Variants in SOBP observed in about 807,000 individuals in gnomAD.
SOBP encodes sine oculis binding protein homolog.
Under a neutral mutation model 53.6 loss-of-function variants are expected in SOBP, and 4 were observed. That is an observed-to-expected ratio of 0.07 (90% confidence interval 0.04 to 0.17). SOBP has a LOEUF of 0.17. SOBP is among the 10% of genes least tolerant of loss of function. SOBP has a pLI of 1.00. For synonymous variants in SOBP, 584 were observed against 522.6 expected (o/e 1.12, Z -1.60); for missense variants, 1,088 against 1,204.7 (o/e 0.90, Z 1.43).
chr6:107,569,858 A>G (rs536745602), intron 4 of SOBP, among the ~76,000 whole-genome samples: 1 of 152,040 alleles, frequency 6.6e-6, no homozygotes, highest in Non-Finnish European at 1.5e-5. Flanking sequence ...TGGGAAGGAA[A>G]CCCATGTGTT....
At chr6:107,553,298 T>TTTTA (rs750735550) in intron 4 of SOBP, among the ~76,000 whole-genome samples, 28,312 of 139,228 alleles carry the variant, frequency 0.2, 3,307 homozygotes, top group East Asian at 0.48. Context: ...CTTATTATTA[T>TTTTA]TTTATTTATT....
intron 1 of SOBP, among the ~76,000 whole-genome samples, chr6:107,503,361 T>G (rs1782893081): frequency 6.6e-6 from 1 of 152,224 alleles, no homozygotes; most frequent in Non-Finnish European, 1.5e-5. Context: ...TTTTATAGAC[T>G]AATGTGCTAA....
intron 3 of SOBP, among the ~76,000 whole-genome samples, chr6:107,516,477 C>CA (rs577976911): frequency 0.028 from 3,268 of 115,894 alleles, 91 homozygotes; most frequent in African/African-American, 0.092. Context: ...GACTCTGTCT[C>CA]AAAAAAAAAA....
At chr6:107,537,668 A>C (rs1168141693) in intron 4 of SOBP, among the ~76,000 whole-genome samples, 1 of 152,086 alleles carries the variant, frequency 6.6e-6, no homozygotes, top group Admixed American at 6.6e-5. Flanking sequence ...AAAACATACA[A>C]AAATTAGCTG....
rs139020430 is a variant in SOBP at position 107,540,487 on chromosome 6, G to A, written c.573+6877G>A. On this transcript the variant is annotated intron_variant, in intron 4 of 6. Coordinates refer to ENST00000317357, the MANE Select transcript of SOBP (RefSeq NM_018013.4). Reference sequence around the variant, plus strand: ...CTATGTTACAATCCACTCTTAGGGTGGCTGTGCACACAGTGGAATCTAATG... The same window carrying A: ...CTATGTTACAATCCACTCTTAGGGTAGCTGTGCACACAGTGGAATCTAATG... 2.1e-3 allele frequency among the ~76,000 whole-genome samples: 323 copies of A among 152,352 alleles called. 2 individuals are homozygous for A. Among genetic ancestry groups the A allele is most frequent in the African/African-American group, 7.6e-3 (315 of 41,576 alleles).
intron 4 of SOBP, 145 bp from the exon 5 acceptor site, chr6:107,586,935 G>A: frequency 1.4e-6 from 1 of 722,836 alleles, no homozygotes; most frequent in Non-Finnish European, 2.5e-6. Flanking sequence ...TACCTAAAAG[G>A]CGTACTGCGT....
intron 1 of SOBP, among the ~76,000 whole-genome samples, chr6:107,494,417 G>A (rs1331083966): frequency 6.6e-6 from 1 of 152,206 alleles, no homozygotes; most frequent in Non-Finnish European, 1.5e-5. Context: ...GTAAATATAT[G>A]TGTAAGGTAA....
intron 4 of SOBP, among the ~76,000 whole-genome samples, chr6:107,571,375 G>A (rs999074848): frequency 6.6e-5 from 10 of 152,198 alleles, no homozygotes; most frequent in African/African-American, 2.4e-4. Context: ...AAGGGCAGGG[G>A]CCAAAGGAGA....
intron 3 of SOBP, among the ~76,000 whole-genome samples, chr6:107,530,414 C>A (rs898171042): frequency 2.0e-5 from 3 of 152,036 alleles, no homozygotes; most frequent in Non-Finnish European, 4.4e-5. Context: ...GTTCACTTTT[C>A]TAGGGGTGCA....
rs367899598 is a variant in SOBP at position 107,635,193 on chromosome 6, C to G, written c.2349C>G (p.Asp783Glu). 1 of 1,613,806 alleles carries G rather than the reference C, an allele frequency of 6.2e-7. No individual in the cohort carries two copies. Among genetic ancestry groups the G allele is most frequent in the African/African-American group, 1.3e-5 (1 of 75,000 alleles). The change falls in exon 6 of 7, where the codon GAC (aspartate) becomes GAG (glutamate). Residue 783 changes from aspartate to glutamate, a missense_variant. Around this residue, in one of 6 missense-constraint regions of SOBP, gnomAD observed 665 missense variants for 629.7 expected, o/e 1.06. Transcript: ENST00000317357. The surrounding 1 kb of genome is among the most constrained non-coding windows in gnomAD (Gnocchi z 4.5). ...ENNCASNCHLDGEAAKKLMGE... is the reference protein window; with the variant it reads ...ENNCASNCHLEGEAAKKLMGE... ...ACTGTGCTTCCAACTGCCACCTGGA[C>G]GGGGAGGCGGCCAAAAAGCTGATGG...
At chr6:107,622,640 G>A (rs1331900933) in intron 5 of SOBP, among the ~76,000 whole-genome samples, 1 of 152,114 alleles carries the variant, frequency 6.6e-6, no homozygotes, top group African/African-American at 2.4e-5. Flanking sequence ...CTAGACTAGA[G>A]CTAACACAGA....
At chr6:107,613,026 A>G (rs778553387) in intron 5 of SOBP, among the ~76,000 whole-genome samples, 5 of 152,114 alleles carry the variant, frequency 3.3e-5, no homozygotes, top group Admixed American at 6.5e-5. Flanking sequence ...CCCTTTGGCT[A>G]TTGGGAATAA....
chr6:107,656,318 A>T (rs1484300957), intron 6 of SOBP, among the ~76,000 whole-genome samples: 1 of 14,248 alleles, frequency 7.0e-5, no homozygotes, highest in Non-Finnish European at 1.3e-4. Context: ...AAAGAAAGAA[A>T]GAAAGAAAGA....
In SOBP at chr6:107,506,313, T is replaced by C. The variant is rs746762354; in HGVS notation, c.307T>C (p.Ser103Pro). ...ACCATACAATATAAGCACAGGCTAT[T>C]CAGGGCTTGCCACTGGAAATGGACT... ...ISPYNISTGYSGLATGNGLSD... is the reference protein window; with the variant it reads ...ISPYNISTGYPGLATGNGLSD... Residue 103 changes from serine (S) to proline (P), a missense_variant, in exon 3 of 7, where the codon TCA becomes CCA. Ser to Pro is a moderately conservative substitution (Grantham distance 74). Around this residue, in one of 6 missense-constraint regions of SOBP, gnomAD observed 112 missense variants for 117.9 expected, o/e 0.95. Transcript: ENST00000317357. 9 of 1,614,090 alleles carry C rather than the reference T, an allele frequency of 5.6e-6. No homozygotes were observed. The South Asian group carries it at 8.8e-5, about 16-fold the overall frequency.
intron 1 of SOBP, among the ~76,000 whole-genome samples, chr6:107,502,164 A>C (rs930067663): frequency 1.3e-5 from 2 of 152,202 alleles, no homozygotes; most frequent in African/African-American, 2.4e-5. Flanking sequence ...TGAAATTTAA[A>C]GTCGTGAAAT....
chr6:107,569,815 T>G lies in SOBP; in HGVS notation c.574-17265T>G, dbSNP rs552037067. Among the ~76,000 whole-genome samples, 3 of 152,358 alleles carry G rather than the reference T, an allele frequency of 2.0e-5. No homozygotes were observed. In the South Asian group the frequency reaches 6.2e-4, roughly 32 times the overall value. On this transcript the variant is annotated intron_variant, in intron 4 of 6. Transcript: ENST00000317357. ...ATGAATAAGTGGAGGAGAAATGCCCTGTGCGTAATGCAGCTCCAGGCCTCG... is the reference window on the plus strand; with the variant it reads ...ATGAATAAGTGGAGGAGAAATGCCCGGTGCGTAATGCAGCTCCAGGCCTCG...
chr6:107,564,332 C>G (rs1784856845), intron 4 of SOBP, among the ~76,000 whole-genome samples: 1 of 152,138 alleles, frequency 6.6e-6, no homozygotes, highest in Non-Finnish European at 1.5e-5. Context: ...TGCTCTCCTT[C>G]CATAAAGTCT....
intron 3 of SOBP, 72 bp from the exon 4 acceptor site, chr6:107,533,387 G>C (rs1251043893): frequency 6.4e-7 from 1 of 1,557,906 alleles, no homozygotes; most frequent in African/African-American, 1.4e-5. Context: ...GCTCTGTCAG[G>C]TTCAGGGTGT....
chr6:107,506,191 T>C, intron 2 of SOBP, 51 bp from the exon 3 acceptor site: 1 of 1,517,380 alleles, frequency 6.6e-7, no homozygotes, highest in African/African-American at 1.4e-5. Context: ...AATTTAAGTC[T>C]ACTGCATTAC....
Sources: gnomAD v4.1 joint callset for allele counts (sites outside exome capture counted in the v4.1 genomes callset) on GRCh38, gnomAD v4.1.1 for gene constraint, gnomAD v4.1.1 regional missense constraint, Gnocchi (gnomAD v3.1) non-coding constraint, MANE v1.5 for transcripts, NCBI Gene and HGNC (gene_info 2026-07-23, HGNC 2026-07-21) for gene names.